Variants in TEX2 observed in about 807,000 individuals in gnomAD.
TEX2 encodes the protein testis-expressed protein 2.
TEX2 carries 53 observed loss-of-function variants against 106.9 expected under a neutral mutation model. That is an observed-to-expected ratio of 0.50 (90% CI 0.40 to 0.62). The LOEUF is 0.62. Ranked by LOEUF, TEX2 falls within the 20% of genes least tolerant of loss-of-function variation. The probability of loss-of-function intolerance (pLI) is 0.00; values close to 1 mark genes in which losing one functional copy is unlikely to be tolerated. For missense variants in TEX2, 1,207 were observed against 1,379.0 expected, an observed-to-expected ratio of 0.88 and a Z score of 1.98; for synonymous variants, 523 against 534.8, an observed-to-expected ratio of 0.98 and a Z score of 0.30.
At chr17:64,238,208 G>C (rs2033812867) in intron 1 of TEX2, among the ~76,000 whole-genome samples, 1 of 152,162 alleles carries the variant, frequency 6.6e-6, no homozygotes, top group Non-Finnish European at 1.5e-5. Flanking sequence ...GCTGAGGCAA[G>C]AGAATCGCTT....
At chr17:64,194,132 C>T (rs1261162253) in intron 3 of TEX2, among the ~76,000 whole-genome samples, 2 of 151,942 alleles carry the variant, frequency 1.3e-5, no homozygotes, top group Non-Finnish European at 1.5e-5. Flanking sequence ...TATAAATATC[C>T]GTAATTTTCA....
intron 1 of TEX2, among the ~76,000 whole-genome samples, chr17:64,219,647 T>C (rs2033301675): frequency 6.6e-6 from 1 of 151,768 alleles, no homozygotes; most frequent in African/African-American, 2.4e-5. Flanking sequence ...GAGGAGTGGA[T>C]GTGGAGCTGG....
Position 64,152,996 on chromosome 17 carries a change from C to T in TEX2, c.3089G>A (p.Cys1030Tyr). The T allele has an allele frequency of 6.2e-7, 1 of 1,614,154 alleles. No homozygotes were observed. Among genetic ancestry groups the T allele is most frequent in the Non-Finnish European group, 8.5e-7 (1 of 1,180,034 alleles). ...PLLLTVEVQE[C>Y]RGTLAVNIPP... ...AATGTTGACCGCCAAGGTTCCTCTA[C>T]ATTCTTGTACTTCAACAGTGAGCAG... The change falls in exon 10 of 12, where the codon TGT becomes TAT. Residue 1030 changes from cysteine to tyrosine, a missense_variant. Transcript: ENST00000584379.
In TEX2 at chr17:64,195,554, G is replaced by C. The variant is rs2032441317; in HGVS notation, c.1645-459C>G. On this transcript the variant is annotated intron_variant, in intron 2 of 11. Coordinates refer to ENST00000584379, the MANE Select transcript of TEX2 (RefSeq NM_001288732.2). The surrounding 1 kb of genome is among the most constrained non-coding windows in gnomAD (Gnocchi z 4.1). Reference sequence around the variant, plus strand: ...AATTCATGTTATCACAGGACTCAGAGAACTACCTCTCCACTTCTGTTGCAC... The same window carrying C: ...AATTCATGTTATCACAGGACTCAGACAACTACCTCTCCACTTCTGTTGCAC... Among the ~76,000 whole-genome samples the C allele has an allele frequency of 6.6e-6, 1 of 152,160 alleles. No individual in the cohort carries two copies. Among genetic ancestry groups the C allele is most frequent in the African/African-American group, 2.4e-5 (1 of 41,420 alleles).
intron 1 of TEX2, among the ~76,000 whole-genome samples, chr17:64,261,972 C>G (rs1555638614): frequency 6.6e-6 from 1 of 152,234 alleles, no homozygotes; most frequent in African/African-American, 2.4e-5. Flanking sequence ...CTCCAGAGTT[C>G]AAGGATAACC....
chr17:64,188,119 G>A (rs749334938), intron 5 of TEX2, 49 bp downstream of exon 5: 6 of 1,579,768 alleles, frequency 3.8e-6, no homozygotes, highest in Non-Finnish European at 2.6e-6. Flanking sequence ...ATGAAGAAAT[G>A]TGTCTAAGTC....
intron 1 of TEX2, among the ~76,000 whole-genome samples, chr17:64,230,913 T>G (rs1388677693): frequency 6.6e-6 from 1 of 152,254 alleles, no homozygotes; most frequent in East Asian, 1.9e-4. Flanking sequence ...GCACATCAGC[T>G]GACTAATGTG....
At chr17:64,194,512 A>G (rs988067745) in intron 3 of TEX2, among the ~76,000 whole-genome samples, 2 of 114,180 alleles carry the variant, frequency 1.8e-5, no homozygotes, top group African/African-American at 5.3e-5. Context: ...AAAGACTTCA[A>G]TAGTTAAGTA....
In TEX2 at chr17:64,153,198, C is replaced by T; in HGVS notation, c.2931-44G>A. The T allele has an allele frequency of 7.0e-7, 1 of 1,418,994 alleles. No individual in the cohort carries two copies. Among genetic ancestry groups the T allele is most frequent in the South Asian group, 1.2e-5 (1 of 81,828 alleles). 87.9% of individuals were successfully genotyped at this position (1,418,994 alleles called of 1,614,324 possible). A position where few individuals can be genotyped will look rare whatever the true frequency, so the allele number is the denominator to read the frequency against. ...AAGGGCGGTTAGCACAAACTTTGCT[C>T]TTTTCACAGACAAAAACCTGTGGCT... On this transcript the variant is annotated intron_variant, in intron 9 of 11. Transcript: ENST00000584379. The surrounding 1 kb of genome is among the most constrained non-coding windows in gnomAD (Gnocchi z 4.1).
At chr17:64,203,960 A>G (rs1277366729) in intron 2 of TEX2, among the ~76,000 whole-genome samples, 2 of 152,226 alleles carry the variant, frequency 1.3e-5, no homozygotes, top group South Asian at 2.1e-4. Context: ...ATTATAATGC[A>G]CTGACAGACA....
chr17:64,228,628 A>G (rs2033575337), intron 1 of TEX2, among the ~76,000 whole-genome samples: 3 of 152,148 alleles, frequency 2.0e-5, no homozygotes, highest in Admixed American at 1.3e-4. Context: ...AAGGGGCTGT[A>G]AATACAGATG....
intron 1 of TEX2, among the ~76,000 whole-genome samples, chr17:64,221,416 T>C (rs2033356894): frequency 6.6e-6 from 1 of 152,136 alleles, no homozygotes; most frequent in Non-Finnish European, 1.5e-5. Context: ...TCCAAAAAGA[T>C]ATACAAATGG....
intron 1 of TEX2, among the ~76,000 whole-genome samples, chr17:64,240,324 A>G (rs1426066096): frequency 2.0e-5 from 3 of 152,070 alleles, no homozygotes; most frequent in African/African-American, 4.8e-5. Flanking sequence ...CTAAGATAAC[A>G]GCACTTGTCA....
rs561367457 is a variant in TEX2, at chr17:64,229,375, G to A, written c.-25-15133C>T. On this transcript the variant is annotated intron_variant, in intron 1 of 11. Transcript: ENST00000584379. The stretch of plus-strand genomic sequence containing the variant: ...GCTTCTCTTCTTCTGTTAACTGGTC[G>A]TTCATATTTCTTGCCCAAGGACTTT... Among the ~76,000 whole-genome samples, 32 of 152,220 alleles carry A rather than the reference G, an allele frequency of 2.1e-4. No homozygotes were observed. The Middle Eastern group carries it at 0.014, about 65-fold the overall frequency.
At chr17:64,206,335 T>G (rs2032828772) in intron 2 of TEX2, among the ~76,000 whole-genome samples, 1 of 152,238 alleles carries the variant, frequency 6.6e-6, no homozygotes, top group African/African-American at 2.4e-5. Flanking sequence ...CTAAGTCCTA[T>G]GAGCTTCTTC....
Position 64,167,182 on chromosome 17 carries a change from C to A in TEX2, c.2671+3918G>T, listed in dbSNP as rs949343541. On this transcript the variant is annotated intron_variant, in intron 7 of 11. Transcript: ENST00000584379. ...CAGGTTGTGTGTGTTGGAACAGGGA[C>A]AAGCCAACATGGCCATTGTGTGCGA... Among the ~76,000 whole-genome samples the A allele has an allele frequency of 5.3e-5, 8 of 152,210 alleles. 1 individual carries two copies. Among genetic ancestry groups the A allele is most frequent in the African/African-American group, 1.9e-4 (8 of 41,454 alleles).
Position 64,188,250 on chromosome 17 carries a change from C to T in TEX2, c.2342G>A (p.Gly781Asp). 1.2e-6 allele frequency: 2 copies of T among 1,613,902 alleles called. No homozygotes were observed. The highest frequency in any genetic ancestry group is 1.7e-6 in the Non-Finnish European group (2 of 1,180,038). ...TCGGCTTTCCTGGGGGACACACCTGCCCATGTACACGCTGTAGTCGAGAAG... is the reference window on the plus strand; with the variant it reads ...TCGGCTTTCCTGGGGGACACACCTGTCCATGTACACGCTGTAGTCGAGAAG... ...KMLLDYSVYM[G>D]RCVPQESRSP... The change falls in exon 5 of 12, where the codon GGC becomes GAC. Residue 781 changes from glycine (G) to aspartate (D), a missense_variant. Gly to Asp is a moderately conservative substitution (Grantham distance 94, BLOSUM62 -1). This residue lies in a region of TEX2 where 1,067 missense variants were observed against 1,193.6 expected (regional missense o/e 0.89). Transcript: ENST00000584379.
At chr17:64,161,288 G>A (rs1380184069) in intron 7 of TEX2, among the ~76,000 whole-genome samples, 1 of 152,200 alleles carries the variant, frequency 6.6e-6, no homozygotes, top group Non-Finnish European at 1.5e-5. Flanking sequence ...TTGACCCAGG[G>A]CAAAGCCAGG....
At chr17:64,219,586 T>C (rs1555633052) in intron 1 of TEX2, among the ~76,000 whole-genome samples, 1 of 151,390 alleles carries the variant, frequency 6.6e-6, no homozygotes, top group Admixed American at 6.6e-5. Context: ...AGCAGACCAG[T>C]TTTAAGGCTA....
Sources: gnomAD v4.1 joint callset for allele counts (sites outside exome capture counted in the v4.1 genomes callset) on GRCh38, gnomAD v4.1.1 for gene constraint, gnomAD v4.1.1 regional missense constraint, Gnocchi (gnomAD v3.1) non-coding constraint, MANE v1.5 for transcripts, NCBI Gene and HGNC (gene_info 2026-07-23, HGNC 2026-07-21) for gene names.